Variants in TRPM2 observed in about 807,000 individuals in gnomAD.
TRPM2 encodes transient receptor potential cation channel subfamily M member 2, also known as estrogen-responsive element-associated gene 1 protein.
TRPM2 carries 161 observed loss-of-function variants against 174.0 expected under a neutral mutation model. The ratio of observed to expected loss-of-function variants is 0.93; its 90% CI spans 0.81 to 1.05. The LOEUF (loss-of-function observed/expected upper bound fraction) is 1.05, where lower values mean the gene tolerates loss of function less well. Ranked by LOEUF, TRPM2 falls within the 50% of genes least tolerant of loss-of-function variation. The pLI, the probability that TRPM2 is intolerant of heterozygous loss-of-function variation, is 0.00. For missense variants in TRPM2, 2,057 were observed against 2,038.0 expected, an observed-to-expected ratio of 1.01 and a Z score of -0.18; for synonymous variants, 954 against 861.3, an observed-to-expected ratio of 1.11 and a Z score of -1.88.
intron 15 of TRPM2, among the ~76,000 whole-genome samples, chr21:44,400,971 C>T (rs1269891124): frequency 6.6e-6 from 1 of 152,172 alleles, no homozygotes; most frequent in African/African-American, 2.4e-5. Flanking sequence ...AAGACCCCAG[C>T]GAGGTGGCTG....
intron 1 of TRPM2, 26 bp downstream of exon 1, chr21:44,353,891 A>C: frequency 6.3e-7 from 1 of 1,590,096 alleles, no homozygotes. Context: ...GTCAGCCTGC[A>C]GTTGGCACGT....
chr21:44,379,285 C>A, intron 8 of TRPM2, 88 bp downstream of exon 8: 1 of 1,467,748 alleles, frequency 6.8e-7, no homozygotes, highest in South Asian at 1.2e-5. Context: ...GACTCATGGA[C>A]CGATGCGGAG....
At chr21:44,426,559 G>A in intron 25 of TRPM2, 101 bp from the exon 26 acceptor site, 1 of 1,214,662 alleles carries the variant, frequency 8.2e-7, no homozygotes, top group Non-Finnish European at 1.2e-6. Flanking sequence ...GGATGTTGGG[G>A]TCGGGTTCAG....
chr21:44,405,398 G>A (rs2049834190), intron 17 of TRPM2, 138 bp downstream of exon 17: 1 of 1,333,552 alleles, frequency 7.5e-7, no homozygotes, highest in African/African-American at 1.4e-5. Context: ...TCTGTCCAAT[G>A]GGTGTCCAGG....
chr21:44,370,694 C>G (rs2048511207), intron 5 of TRPM2, among the ~76,000 whole-genome samples: 1 of 152,264 alleles, frequency 6.6e-6, no homozygotes, highest in African/African-American at 2.4e-5. Context: ...TGGCCAGCCC[C>G]AGCCCGGCCT....
intron 19 of TRPM2, among the ~76,000 whole-genome samples, chr21:44,408,770 G>C (rs2146310829): frequency 6.7e-6 from 1 of 149,150 alleles, no homozygotes; most frequent in Admixed American, 6.9e-5. Context: ...TGATTCTCCT[G>C]CCTCAGCCTC....
Position 44,375,757 on chromosome 21 carries a change from G to C in TRPM2, c.772-76G>C, listed in dbSNP as rs567883813. 2.7e-6 allele frequency: 4 copies of C among 1,488,314 alleles called. No homozygotes were observed. The East Asian group carries it at 9.6e-5, about 36-fold the overall frequency. The allele number at this position is 1,488,314 out of a possible 1,614,324, so 92.2% of individuals were successfully genotyped here. On this transcript the variant is annotated intron_variant, in intron 5 of 31. Transcript: ENST00000397928. ...GGACTGGGACCTGGTCTCTGTGAGG[G>C]CCGGTGTTCAGCCTGCTCGCGTTAG... is the stretch of plus-strand genomic sequence containing the variant.
Position 44,400,249 on chromosome 21 carries a change from C to G in TRPM2, c.2209-10C>G. ...GGGCACTGCCATCCTGAGACTGCCC[C>G]CATCCGCAGGCCTTCCTGACCAAGG... On this transcript the variant is annotated splice_polypyrimidine_tract_variant and intron_variant, in intron 14 of 31. Coordinates refer to ENST00000397928, the MANE Select transcript of TRPM2 (RefSeq NM_003307.4). The G allele has an allele frequency of 1.2e-6, 2 of 1,610,214 alleles. No homozygotes were observed. Among genetic ancestry groups the G allele is most frequent in the Non-Finnish European group, 1.7e-6 (2 of 1,178,038 alleles).
At chr21:44,440,685 T>C (rs2146433524) in intron 30 of TRPM2, 104 bp from the exon 31 acceptor site, 1 of 973,226 alleles carries the variant, frequency 1.0e-6, no homozygotes, top group South Asian at 1.3e-5. Context: ...CTGTGTGTGC[T>C]GGAAGCTGTG....
chr21:44,433,755 A>G (rs897786379), intron 27 of TRPM2, among the ~76,000 whole-genome samples: 3 of 152,112 alleles, frequency 2.0e-5, no homozygotes, highest in African/African-American at 7.2e-5. Flanking sequence ...CCGCAGAGTG[A>G]GCTGGGAGGG....
At position 44,399,149 on chromosome 21, in the gene TRPM2, GGT is replaced by G. The variant is rs1162179239; in HGVS notation, c.2063-144_2063-143del. ...CCTGGGGTCCTCGTCCCTGGGCCTG[GGT>G]GTTTTGAGACACCAGCCCCACATTT... On this transcript the variant is annotated intron_variant, in intron 13 of 31. Transcript: ENST00000397928. The surrounding 1 kb of genome is among the most constrained non-coding windows in gnomAD (Gnocchi z 4.6). The G allele has an allele frequency of 1.9e-6, 2 of 1,060,870 alleles. No homozygotes were observed. Among genetic ancestry groups the G allele is most frequent in the Non-Finnish European group, 2.6e-6 (2 of 764,906 alleles). 65.7% of individuals were successfully genotyped at this position (1,060,870 alleles called of 1,614,324 possible).
At chr21:44,427,193 G>A in intron 27 of TRPM2, 82 bp downstream of exon 27, 5 of 1,214,712 alleles carry the variant, frequency 4.1e-6, no homozygotes, top group Non-Finnish European at 5.7e-6. Flanking sequence ...GGCAAAGGAA[G>A]CATTTTTCTC....
chr21:44,368,803 C>G lies in TRPM2; in HGVS notation c.605-374C>G, dbSNP rs139550536. 2.6e-5 allele frequency among the ~76,000 whole-genome samples: 4 copies of G among 152,238 alleles called. No individual in the cohort carries two copies. In the East Asian group the frequency reaches 7.7e-4, roughly 29 times the overall value. ...TGGCAGGTGGGAGGTGAGGGGCATC[C>G]TTCCTAGGGACCAGGCTGAGTGTTG... is the stretch of plus-strand genomic sequence containing the variant. On this transcript the variant is annotated intron_variant, in intron 4 of 31. Coordinates refer to ENST00000397928, the MANE Select transcript of TRPM2 (RefSeq NM_003307.4).
intron 9 of TRPM2, among the ~76,000 whole-genome samples, chr21:44,385,516 C>T (rs1398231711): frequency 1.3e-5 from 2 of 152,192 alleles, no homozygotes; most frequent in African/African-American, 4.8e-5. Flanking sequence ...TTCCATTCAA[C>T]ATTGCGTTGG....
Position 44,441,739 on chromosome 21 carries a change from G to T in TRPM2, c.4434G>T (p.Val1478=), listed in dbSNP as rs2051513581. 1 of 1,612,062 alleles carries T rather than the reference G, an allele frequency of 6.2e-7. No individual in the cohort carries two copies. Among genetic ancestry groups the T allele is most frequent in the African/African-American group, 1.3e-5 (1 of 74,898 alleles). ...GGGCCTCCATCCGATGGCAGGTGGTGGACAGGCGCATCCCACTCTATGCGA... is the reference window on the plus strand; with the variant it reads ...GGGCCTCCATCCGATGGCAGGTGGTTGACAGGCGCATCCCACTCTATGCGA... ...DSGASIRWQV[V]DRRIPLYANH... Residue 1478 remains valine (V), a synonymous_variant, in exon 32 of 32, where the codon GTG becomes GTT. Coordinates refer to ENST00000397928, the MANE Select transcript of TRPM2 (RefSeq NM_003307.4).
intron 14 of TRPM2, 77 bp from the exon 15 acceptor site, chr21:44,400,182 C>T: frequency 7.8e-7 from 1 of 1,276,124 alleles, no homozygotes. Flanking sequence ...CACCCCGAGT[C>T]CTCAGCAGAC....
intron 5 of TRPM2, among the ~76,000 whole-genome samples, chr21:44,374,001 TTCTC>T (rs971618334): frequency 4.6e-5 from 7 of 151,838 alleles, no homozygotes; most frequent in African/African-American, 1.7e-4. Context: ...AGTATATGTA[TTCTC>T]TCTCTCTCTC....
chr21:44,373,040 G>T (rs2146182930), intron 5 of TRPM2, among the ~76,000 whole-genome samples: 1 of 152,238 alleles, frequency 6.6e-6, no homozygotes, highest in South Asian at 2.1e-4. Context: ...ATTTCTGCCA[G>T]TAGACAAAAA....
At chr21:44,356,788 G>A (rs941909896) in intron 2 of TRPM2, among the ~76,000 whole-genome samples, 1 of 152,254 alleles carries the variant, frequency 6.6e-6, no homozygotes, top group South Asian at 2.1e-4. Flanking sequence ...CTTAACAAGG[G>A]TGGATTATTC....
Sources: allele counts gnomAD v4.1 joint callset (sites outside exome capture counted in the v4.1 genomes callset), GRCh38; gene constraint gnomAD v4.1.1; non-coding constraint Gnocchi (gnomAD v3.1); transcripts MANE v1.5; gene names NCBI Gene and HGNC (gene_info 2026-07-23, HGNC 2026-07-21).